The following TAOK1 variants were observed in gnomAD, a reference collection of about 807,000 sequenced individuals.
TAOK1 encodes serine/threonine-protein kinase TAO1.
TAOK1 carries 21 observed loss-of-function variants against 138.3 expected under a neutral mutation model. The ratio of observed to expected loss-of-function variants is 0.15; its 90% confidence interval spans 0.11 to 0.22. The LOEUF (loss-of-function observed/expected upper bound fraction) is 0.22. Among genes scored for constraint, TAOK1 ranks in the 10% least tolerant of loss-of-function variants. TAOK1 has a pLI of 1.00. For synonymous variants in TAOK1, 361 were observed against 398.4 expected, an observed-to-expected ratio of 0.91 and a Z score of 1.12; for missense variants, 651 against 1,227.7, an observed-to-expected ratio of 0.53 and a Z score of 7.02.
chr17:29,447,221 C>T (rs1247361312), intron 1 of TAOK1, among the ~76,000 whole-genome samples: 1 of 151,750 alleles, frequency 6.6e-6, no homozygotes, highest in Non-Finnish European at 1.5e-5. Flanking sequence ...TGGCTTCCCC[C>T]GTTTTTAGTA....
At position 29,517,564 on chromosome 17, in the gene TAOK1, C is replaced by T. The variant is rs2031840667; in HGVS notation, c.1816C>T (p.Arg606Cys). ...AGAAGAAGAAGCTAACCTTCTTCGA[C>T]GTCAAAGACAATACCTAGAGCTGGA... Reference protein sequence around the residue: ...QAEEEANLLRRQRQYLELECR... With the variant: ...QAEEEANLLRCQRQYLELECR... Residue 606 changes from arginine (R) to cysteine (C), a missense_variant, in exon 16 of 20, where the codon CGT becomes TGT. Physicochemically the swap from Arg to Cys is radical, Grantham distance 180. This residue lies in a region of TAOK1 where 258 missense variants were observed against 548.9 expected (regional missense o/e 0.47). Coordinates refer to ENST00000261716, the MANE Select transcript of TAOK1 (RefSeq NM_020791.4). The T allele has an allele frequency of 1.9e-6, 3 of 1,613,952 alleles. No homozygotes were observed. The highest frequency in any genetic ancestry group is 1.3e-5 in the African/African-American group (1 of 74,988).
chr17:29,397,399 C>T (rs138112330), intron 1 of TAOK1, among the ~76,000 whole-genome samples: 4,144 of 151,364 alleles, frequency 0.027, 107 homozygotes, highest in Middle Eastern at 0.1. Flanking sequence ...GTCAGGAGTT[C>T]GAGACCAGCC....
In TAOK1 at chr17:29,527,580, G is replaced by T. The variant is rs146996659; in HGVS notation, c.2149-2827G>T. Among the ~76,000 whole-genome samples, 40 of 152,278 alleles carry T rather than the reference G, an allele frequency of 2.6e-4. No homozygotes were observed. The East Asian group carries it at 7.1e-3, about 27-fold the overall frequency. ...ATTACTAGGGTCTAGTGCCTCAGAT[G>T]GTGAAAAATACAGAAAGGCATATTT... On this transcript the variant is annotated intron_variant, in intron 17 of 19. Coordinates refer to ENST00000261716, the MANE Select transcript of TAOK1 (RefSeq NM_020791.4).
chr17:29,549,261 G>A lies in TAOK1; in HGVS notation c.*6239G>A, dbSNP rs373249640. 6 of 152,156 alleles carry A rather than the reference G, an allele frequency of 3.9e-5. No homozygotes were observed. The highest frequency in any genetic ancestry group is 1.4e-4 in the African/African-American group (6 of 41,430). The allele number at this position is 152,156 out of a possible 1,614,324, so 9.4% of individuals were successfully genotyped here. On this transcript the variant is annotated 3_prime_UTR_variant, in exon 20 of 20. Coordinates refer to ENST00000261716, the MANE Select transcript of TAOK1 (RefSeq NM_020791.4). The stretch of plus-strand genomic sequence containing the variant: ...TTCTCTGATATGCCTTGTAGCCAAA[G>A]TATTAAAGGCTGATGAACATAGACA...
intron 8 of TAOK1, among the ~76,000 whole-genome samples, chr17:29,487,118 C>T (rs1337413959): frequency 6.6e-6 from 1 of 151,738 alleles, no homozygotes; most frequent in African/African-American, 2.4e-5. Flanking sequence ...GCATGGTGGC[C>T]CATGCCTGTA....
intron 3 of TAOK1, among the ~76,000 whole-genome samples, chr17:29,468,294 G>A (rs966755988): frequency 2.7e-5 from 4 of 150,068 alleles, no homozygotes; most frequent in Non-Finnish European, 5.9e-5. Flanking sequence ...ATGCCACCAT[G>A]CCAGGCTAAT....
intron 1 of TAOK1, among the ~76,000 whole-genome samples, chr17:29,420,285 C>T (rs1332457212): frequency 6.6e-6 from 1 of 151,980 alleles, no homozygotes; most frequent in Non-Finnish European, 1.5e-5. Context: ...TCACCCGCCT[C>T]GGCCTCCCAA....
At chr17:29,450,926 A>G (rs184888463) in intron 1 of TAOK1, among the ~76,000 whole-genome samples, 1 of 152,328 alleles carries the variant, frequency 6.6e-6, no homozygotes, top group Admixed American at 6.5e-5. Context: ...AACAGTTGAT[A>G]AAGGGCATAT....
chr17:29,397,667 A>ATT (rs1567706732), intron 1 of TAOK1, among the ~76,000 whole-genome samples: 6 of 36,426 alleles, frequency 1.6e-4, no homozygotes, highest in Non-Finnish European at 5.6e-5. Flanking sequence ...CATGTATGAT[A>ATT]CATGTATACA....
At chr17:29,412,292 C>T (rs1373052093) in intron 1 of TAOK1, among the ~76,000 whole-genome samples, 1 of 152,226 alleles carries the variant, frequency 6.6e-6, no homozygotes, top group East Asian at 1.9e-4. Flanking sequence ...ATCCGCCTGC[C>T]TTGGCCTGCC....
At chr17:29,525,561 C>T (rs186490601) in intron 17 of TAOK1, among the ~76,000 whole-genome samples, 11 of 152,194 alleles carry the variant, frequency 7.2e-5, no homozygotes, top group African/African-American at 2.2e-4. Flanking sequence ...CCCACCATCA[C>T]GCCCTCGTGT....
In TAOK1 at chr17:29,451,437, T is replaced by A. The variant is rs1051256602; in HGVS notation, c.-94-18T>A. The A allele has an allele frequency of 7.4e-7, 1 of 1,347,366 alleles. No individual in the cohort carries two copies. The highest frequency in any genetic ancestry group is 9.8e-7 in the Non-Finnish European group (1 of 1,025,180). 83.5% of individuals were successfully genotyped at this position (1,347,366 alleles called of 1,614,324 possible). A position where few individuals can be genotyped will look rare whatever the true frequency, so the allele number is the denominator to read the frequency against. Reference sequence around the variant, plus strand: ...CAGTTTTTGCCTTTTCTGACTTTTTTTTTCTATTTTTCTACAGTAGTTTAT... The same window carrying A: ...CAGTTTTTGCCTTTTCTGACTTTTTATTTCTATTTTTCTACAGTAGTTTAT... On this transcript the variant is annotated intron_variant, in intron 1 of 19. Transcript: ENST00000261716.
intron 4 of TAOK1, among the ~76,000 whole-genome samples, chr17:29,476,847 A>G (rs1233249415): frequency 6.7e-6 from 1 of 149,400 alleles, no homozygotes; most frequent in African/African-American, 2.5e-5. Flanking sequence ...TTAAAATTTT[A>G]TTTATTTATT....
At chr17:29,506,849 A>G (rs1387887042) in intron 13 of TAOK1, among the ~76,000 whole-genome samples, 1 of 152,204 alleles carries the variant, frequency 6.6e-6, no homozygotes, top group African/African-American at 2.4e-5. Context: ...AAAGAACACA[A>G]ATGTCCATCA....
At chr17:29,415,153 A>G (rs1167066651) in intron 1 of TAOK1, among the ~76,000 whole-genome samples, 1 of 152,028 alleles carries the variant, frequency 6.6e-6, no homozygotes. Flanking sequence ...TATTTTTAGT[A>G]GAGACGGGGT....
chr17:29,439,454 C>T (rs546174061), intron 1 of TAOK1, among the ~76,000 whole-genome samples: 96 of 152,172 alleles, frequency 6.3e-4, no homozygotes, highest in South Asian at 5.8e-3. Context: ...CTGCCGGCTT[C>T]GGCCTCCCAA....
intron 7 of TAOK1, among the ~76,000 whole-genome samples, chr17:29,480,979 T>C (rs1171666100): frequency 2.0e-5 from 3 of 151,910 alleles, no homozygotes; most frequent in Non-Finnish European, 4.4e-5. Context: ...ATAAGATTGA[T>C]AATTGTGTGA....
At chr17:29,456,810 T>C (rs2030388918) in intron 2 of TAOK1, among the ~76,000 whole-genome samples, 1 of 150,390 alleles carries the variant, frequency 6.6e-6, no homozygotes, top group Admixed American at 6.6e-5. Context: ...CTCAGCTCAC[T>C]GCAAGTTCTG....
chr17:29,410,002 G>A (rs1905099582), intron 1 of TAOK1, among the ~76,000 whole-genome samples: 1 of 152,098 alleles, frequency 6.6e-6, no homozygotes, highest in South Asian at 2.1e-4. Context: ...TATCATTTTA[G>A]TCCCTGTTTT....
Sources: gnomAD v4.1 joint callset for allele counts (sites outside exome capture counted in the v4.1 genomes callset) on GRCh38, gnomAD v4.1.1 for gene constraint, gnomAD v4.1.1 regional missense constraint, MANE v1.5 for transcripts, NCBI Gene and HGNC (gene_info 2026-07-23, HGNC 2026-07-21) for gene names.